Variants in SH3KBP1 observed in about 807,000 individuals in gnomAD.
SH3KBP1 encodes SH3 domain containing kinase binding protein 1, also known as SH3 domain-containing kinase-binding protein 1.
SH3KBP1 carries 8 observed loss-of-function variants against 50.1 expected under a neutral mutation model. The ratio of observed to expected loss-of-function variants is 0.16; its 90% CI spans 0.09 to 0.29. The LOEUF (loss-of-function observed/expected upper bound fraction) is 0.29. SH3KBP1 is among the 10% of genes least tolerant of loss of function. The probability of loss-of-function intolerance (pLI) is 1.00; values close to 1 mark genes in which losing one functional copy is unlikely to be tolerated. For synonymous variants in SH3KBP1, 227 were observed against 218.6 expected (o/e 1.04, Z -0.34); for missense variants, 377 against 535.2 (o/e 0.70, Z 2.92).
chrX:19,722,968 C>T (rs1196635359), intron 3 of SH3KBP1, among the ~76,000 whole-genome samples: 1 of 109,371 alleles, frequency 9.1e-6, no homozygotes, highest in Non-Finnish European at 1.9e-5. Context: ...AACCCCATCT[C>T]CACAAAAAAC....
intron 7 of SH3KBP1, among the ~76,000 whole-genome samples, chrX:19,634,787 G>A (rs2061664194): frequency 8.9e-6 from 1 of 112,123 alleles, no homozygotes; most frequent in African/African-American, 3.2e-5. Flanking sequence ...TCAGGGACCA[G>A]CTAAGGAGGG....
At chrX:19,688,411 A>G (rs2063213998) in intron 5 of SH3KBP1, among the ~76,000 whole-genome samples, 1 of 112,240 alleles carries the variant, frequency 8.9e-6, no homozygotes, top group Non-Finnish European at 1.9e-5. Context: ...TGTGTCAGTC[A>G]TGAAACTGTA....
intron 4 of SH3KBP1, among the ~76,000 whole-genome samples, chrX:19,704,527 T>C (rs775444812): frequency 8.9e-6 from 1 of 112,856 alleles, no homozygotes; most frequent in African/African-American, 3.2e-5. Context: ...AGCATATAGA[T>C]ATATTTTACA....
At chrX:19,687,718 G>C (rs972573114) in intron 5 of SH3KBP1, 9 of 1,126,528 alleles carry the variant, frequency 8.0e-6, no homozygotes, top group Non-Finnish European at 9.7e-6. Context: ...GAAGAGAAGG[G>C]GAGAGAAAAA....
intron 2 of SH3KBP1, among the ~76,000 whole-genome samples, chrX:19,795,514 A>G (rs1431006937): frequency 1.8e-5 from 2 of 110,778 alleles, no homozygotes; most frequent in East Asian, 2.8e-4. Flanking sequence ...CTCCTCCTCC[A>G]TGTTCACATT....
At chrX:19,692,689 A>ATATAT (rs1556257878) in intron 5 of SH3KBP1, among the ~76,000 whole-genome samples, 15 of 75,046 alleles carry the variant, frequency 2.0e-4, no homozygotes, top group African/African-American at 8.3e-4. Context: ...ATATATATAT[A>ATATAT]TTTTTTTTTT....
chrX:19,695,500 T>C, intron 5 of SH3KBP1, 112 bp downstream of exon 5: 1 of 962,940 alleles, frequency 1.0e-6, no homozygotes, highest in Non-Finnish European at 1.4e-6. Context: ...AAAAAAATAC[T>C]CGTAAGCGTT....
At chrX:19,851,051 T>C (rs1290552888) in intron 1 of SH3KBP1, among the ~76,000 whole-genome samples, 1 of 110,741 alleles carries the variant, frequency 9.0e-6, no homozygotes, top group African/African-American at 3.3e-5. Flanking sequence ...GGGGGCAGGG[T>C]GGGTCATGTC....
chrX:19,679,621 C>G (rs188117429), intron 6 of SH3KBP1, among the ~76,000 whole-genome samples: 1 of 111,465 alleles, frequency 9.0e-6, no homozygotes, highest in Non-Finnish European at 1.9e-5. Context: ...TTCCCCACCC[C>G]CCTTTAACCT....
intron 5 of SH3KBP1, among the ~76,000 whole-genome samples, chrX:19,688,270 C>T (rs2063209502): frequency 9.0e-6 from 1 of 111,564 alleles, no homozygotes; most frequent in Non-Finnish European, 1.9e-5. Context: ...TATTAATATA[C>T]TGGTGAGGGG....
intron 2 of SH3KBP1, among the ~76,000 whole-genome samples, chrX:19,793,276 T>G (rs929576891): frequency 3.9e-5 from 4 of 103,488 alleles, no homozygotes; most frequent in Non-Finnish European, 7.8e-5. Context: ...CTGGCCTAGG[T>G]GACAGAGCAA....
At chrX:19,556,007 C>T (rs2065475955) in intron 13 of SH3KBP1, among the ~76,000 whole-genome samples, 1 of 112,032 alleles carries the variant, frequency 8.9e-6, no homozygotes. Context: ...CTCTCTGTTT[C>T]CCTGGACTTA....
intron 2 of SH3KBP1, among the ~76,000 whole-genome samples, chrX:19,816,969 A>G (rs2067377018): frequency 9.0e-6 from 1 of 111,711 alleles, no homozygotes; most frequent in South Asian, 3.7e-4. Flanking sequence ...ATTTAGGCCG[A>G]GTTTCACTTT....
chrX:19,852,636 G>GAAAAAAAAAAAAAAAAAAA (rs760707711), intron 1 of SH3KBP1, among the ~76,000 whole-genome samples: 1 of 51,952 alleles, frequency 1.9e-5, no homozygotes, highest in African/African-American at 6.7e-5. Context: ...TAGCTGCACA[G>GAAAAAAAAAAAAAAAAAAA]AAAAAAAAAA....
chrX:19,622,767 G>T (rs1349594837), intron 8 of SH3KBP1, among the ~76,000 whole-genome samples: 1 of 112,403 alleles, frequency 8.9e-6, no homozygotes, highest in Non-Finnish European at 1.9e-5. Flanking sequence ...CGAGGGCCAG[G>T]CCGAGTGGCT....
intron 5 of SH3KBP1, chrX:19,694,863 C>T (rs2063377818): frequency 2.0e-6 from 1 of 493,686 alleles, no homozygotes. Flanking sequence ...ATTCTGCAAC[C>T]CCAGGTAGTG....
intron 5 of SH3KBP1, among the ~76,000 whole-genome samples, chrX:19,685,437 CA>C (rs1569418221): frequency 9.0e-6 from 1 of 110,956 alleles, no homozygotes; most frequent in East Asian, 2.8e-4. Context: ...ATTTTTAAGC[CA>C]AAAGGGTGGG....
chrX:19,785,098 G>A (rs2066297875), intron 2 of SH3KBP1, among the ~76,000 whole-genome samples: 1 of 110,670 alleles, frequency 9.0e-6, no homozygotes, highest in Admixed American at 9.7e-5. Context: ...CTGGGCAAAT[G>A]AAGATATCAC....
chrX:19,561,823 T>C (rs981866773), intron 13 of SH3KBP1, among the ~76,000 whole-genome samples: 2 of 110,363 alleles, frequency 1.8e-5, no homozygotes, highest in Non-Finnish European at 3.8e-5. Flanking sequence ...GCCTTTTTTT[T>C]TTTTTTTTGA....
Sources: allele counts gnomAD v4.1 joint callset (sites outside exome capture counted in the v4.1 genomes callset), GRCh38; gene constraint gnomAD v4.1.1; transcripts MANE v1.5; gene names NCBI Gene and HGNC (gene_info 2026-07-23, HGNC 2026-07-21).